Variants in DLGAP2 observed in about 807,000 individuals in gnomAD.
DLGAP2 encodes DLG associated protein 2.
DLGAP2 carries 26 observed loss-of-function variants against 100.3 expected under a neutral mutation model. That is an observed-to-expected ratio of 0.26 (90% CI 0.19 to 0.36). The LOEUF is 0.36. Among genes scored for constraint, DLGAP2 ranks in the 10% least tolerant of loss-of-function variants. The pLI, the probability that DLGAP2 is intolerant of heterozygous loss-of-function variation, is 1.00. For synonymous variants in DLGAP2, 886 were observed against 630.1 expected (o/e 1.41, Z -6.08); for missense variants, 1,858 against 1,453.2 (o/e 1.28, Z -4.53).
intron 2 of DLGAP2, among the ~76,000 whole-genome samples, chr8:1,185,013 G>A (rs73537217): frequency 0.12 from 18,229 of 151,972 alleles, 2,158 homozygotes; most frequent in African/African-American, 0.31. Context: ...CTGTTGAAGG[G>A]TCTGACCCGG....
chr8:973,131 G>A (rs1800060747), intron 2 of DLGAP2, among the ~76,000 whole-genome samples: 1 of 152,220 alleles, frequency 6.6e-6, no homozygotes, highest in South Asian at 2.1e-4. Flanking sequence ...GAGCTGTTGG[G>A]TACACCTCCC....
At chr8:1,338,659 ACAAACCAAAAAC>A (rs1801344818) in intron 3 of DLGAP2, among the ~76,000 whole-genome samples, 1 of 152,214 alleles carries the variant, frequency 6.6e-6, no homozygotes, top group African/African-American at 2.4e-5. Flanking sequence ...AAAATCTAAA[ACAAACCAAAAAC>A]TAAAGACACG....
chr8:948,794 T>G (rs4557728), intron 2 of DLGAP2, among the ~76,000 whole-genome samples: 17 of 151,998 alleles, frequency 1.1e-4, no homozygotes, highest in African/African-American at 3.6e-4. Context: ...AGACACTGCC[T>G]TTCGCCATGA....
chr8:974,559 A>G (rs940661909), intron 2 of DLGAP2, among the ~76,000 whole-genome samples: 3 of 152,244 alleles, frequency 2.0e-5, no homozygotes, highest in Non-Finnish European at 2.9e-5. Flanking sequence ...CTCTTAGACC[A>G]TAGTGGAATT....
intron 12 of DLGAP2, chr8:1,688,553 G>C (rs1450836281): frequency 2.6e-5 from 4 of 152,180 alleles, no homozygotes; most frequent in Admixed American, 6.5e-5. Context: ...CTCAGGAAGA[G>C]AGAACACAGG....
In DLGAP2 at chr8:1,450,410, A is replaced by G. The variant is rs796749649; in HGVS notation, c.107-50956A>G. On this transcript the variant is annotated intron_variant, in intron 3 of 14. Transcript: ENST00000637795. The stretch of plus-strand genomic sequence containing the variant: ...ATGAGGTGGGCGGCCTCGGTGGCTG[A>G]GGCTGAGCTGTGAGGGTGAAGACGA... 2.8e-3 allele frequency among the ~76,000 whole-genome samples: 131 copies of G among 47,150 alleles called. 9 individuals carry two copies. In the Middle Eastern group the frequency reaches 0.033, roughly 12 times the overall value. The allele number at this position is 47,150 out of a possible 152,430, so 30.9% of individuals were successfully genotyped here. A position where few individuals can be genotyped will look rare whatever the true frequency, so the allele number is the denominator to read the frequency against.
chr8:890,767 C>T (rs116015874), intron 1 of DLGAP2, among the ~76,000 whole-genome samples: 2 of 152,224 alleles, frequency 1.3e-5, no homozygotes, highest in Admixed American at 6.5e-5. Context: ...TCCTGTGTGT[C>T]TCCGGCCTCA....
At chr8:1,364,503 G>A (rs933997854) in intron 3 of DLGAP2, among the ~76,000 whole-genome samples, 16 of 51,480 alleles carry the variant, frequency 3.1e-4, no homozygotes, top group Non-Finnish European at 5.6e-4. Context: ...TGGGAAGGGC[G>A]GGGGGGGTGC....
chr8:1,393,159 G>A (rs111583819), intron 3 of DLGAP2, among the ~76,000 whole-genome samples: 3 of 6,170 alleles, frequency 4.9e-4, no homozygotes, highest in Admixed American at 2.1e-3. Flanking sequence ...CCACCTCCTC[G>A]TCCTCCAGAG....
intron 4 of DLGAP2, among the ~76,000 whole-genome samples, chr8:1,523,262 G>C (rs570132664): frequency 3.7e-4 from 57 of 152,364 alleles, no homozygotes; most frequent in African/African-American, 1.3e-3. Flanking sequence ...GGATTTGCTT[G>C]TCTGGCTTCT....
At chr8:887,874 A>G (rs1797953012) in intron 1 of DLGAP2, among the ~76,000 whole-genome samples, 1 of 152,094 alleles carries the variant, frequency 6.6e-6, no homozygotes, top group South Asian at 2.1e-4. Flanking sequence ...CTCATGGAGC[A>G]TCTTAATGGT....
intron 2 of DLGAP2, among the ~76,000 whole-genome samples, chr8:941,427 C>G (rs1451341371): frequency 1.3e-5 from 2 of 152,142 alleles, no homozygotes; most frequent in Non-Finnish European, 2.9e-5. Flanking sequence ...GTGTTACTCA[C>G]TCGAGATGTG....
chr8:1,241,312 T>G (rs1798791358), intron 2 of DLGAP2, among the ~76,000 whole-genome samples: 1 of 151,686 alleles, frequency 6.6e-6, no homozygotes, highest in Non-Finnish European at 1.5e-5. Context: ...CCGTGTCTAG[T>G]TCTCTCACAT....
chr8:1,223,219 TC>T (rs1481635576), intron 2 of DLGAP2, among the ~76,000 whole-genome samples: 2 of 152,188 alleles, frequency 1.3e-5, no homozygotes, highest in African/African-American at 4.8e-5. Context: ...TGTCCAGGGT[TC>T]CCACCTTCCT....
intron 3 of DLGAP2, among the ~76,000 whole-genome samples, chr8:1,279,948 C>A (rs1799782834): frequency 6.6e-6 from 1 of 152,088 alleles, no homozygotes; most frequent in African/African-American, 2.4e-5. Context: ...GGCGCAGAGC[C>A]CAGGAGGTGC....
chr8:1,106,398 AGGG>A (rs1804771019), intron 2 of DLGAP2, among the ~76,000 whole-genome samples: 2 of 149,244 alleles, frequency 1.3e-5, no homozygotes, highest in Admixed American at 6.6e-5. Context: ...CCATTCTAGG[AGGG>A]TTTTCTATTG....
intron 2 of DLGAP2, among the ~76,000 whole-genome samples, chr8:1,026,529 C>G (rs1223121345): frequency 2.0e-5 from 3 of 152,150 alleles, no homozygotes; most frequent in Non-Finnish European, 2.9e-5. Flanking sequence ...TTCTAATTAT[C>G]TTTTTCCTTT....
chr8:1,158,082 G>C (rs889950948), intron 2 of DLGAP2, among the ~76,000 whole-genome samples: 5 of 152,192 alleles, frequency 3.3e-5, no homozygotes, highest in Non-Finnish European at 7.3e-5. Flanking sequence ...GCCCCTTGCA[G>C]GTTCTGCCTG....
chr8:754,005 A>C (rs1360493783), intron 1 of DLGAP2: 1 of 152,154 alleles, frequency 6.6e-6, no homozygotes, highest in African/African-American at 2.4e-5. Flanking sequence ...CTTCTTGTCT[A>C]CCTTGCCTGG....
Sources: allele counts gnomAD v4.1 joint callset (sites outside exome capture counted in the v4.1 genomes callset), GRCh38; gene constraint gnomAD v4.1.1; transcripts MANE v1.5; gene names NCBI Gene and HGNC (gene_info 2026-07-23, HGNC 2026-07-21).